Variants in UVRAG observed in about 807,000 individuals in gnomAD.
UVRAG encodes UV radiation resistance associated.
UVRAG carries 19 observed loss-of-function variants against 78.0 expected under a neutral mutation model. That is an observed-to-expected ratio of 0.24 (90% CI 0.17 to 0.36). UVRAG has a LOEUF of 0.36. UVRAG is among the 10% of genes least tolerant of loss of function. The pLI, the probability that UVRAG is intolerant of heterozygous loss-of-function variation, is 1.00. For synonymous variants in UVRAG, 323 were observed against 324.6 expected (o/e 1.00, Z 0.05); for missense variants, 740 against 853.8 (o/e 0.87, Z 1.66).
intron 5 of UVRAG, 37 bp downstream of exon 5, chr11:75,888,940 G>A: frequency 1.9e-6 from 3 of 1,562,140 alleles, no homozygotes; most frequent in Non-Finnish European, 2.6e-6. Context: ...ATTTTGTTTA[G>A]TGCAGGTGTG....
intron 4 of UVRAG, among the ~76,000 whole-genome samples, chr11:75,881,275 T>G (rs1946938499): frequency 6.6e-6 from 1 of 152,156 alleles, no homozygotes; most frequent in East Asian, 1.9e-4. Context: ...GGGGCACAGC[T>G]TGGTTTTATA....
chr11:75,855,190 C>T (rs1342852157), intron 2 of UVRAG, among the ~76,000 whole-genome samples: 1 of 152,184 alleles, frequency 6.6e-6, no homozygotes, highest in Non-Finnish European at 1.5e-5. Context: ...TCTTCCAGCT[C>T]AGATTATATC....
chr11:75,882,298 G>GA (rs1419315567), intron 4 of UVRAG, among the ~76,000 whole-genome samples: 1 of 152,074 alleles, frequency 6.6e-6, no homozygotes, highest in East Asian at 1.9e-4. Context: ...AGGATCACTT[G>GA]AAGCCAGGAG....
intron 13 of UVRAG, among the ~76,000 whole-genome samples, chr11:76,084,624 C>T (rs1200831450): frequency 6.6e-6 from 1 of 151,910 alleles, no homozygotes; most frequent in East Asian, 1.9e-4. Context: ...GTCTGAAACT[C>T]AGAATATATA....
chr11:76,125,119 C>T (rs562292155), intron 14 of UVRAG, among the ~76,000 whole-genome samples: 12 of 152,274 alleles, frequency 7.9e-5, no homozygotes, highest in African/African-American at 2.9e-4. Context: ...AAATGAAAAA[C>T]ATGTTGTCTA....
At chr11:75,999,250 A>AAGAT (rs1554975482) in intron 8 of UVRAG, among the ~76,000 whole-genome samples, 142,656 of 147,450 alleles carry the variant, frequency 0.97, 69,246 homozygotes, top group South Asian at 0.99. Context: ...AAAAAAAAAA[A>AAGAT]AGTCAACTTT....
intron 13 of UVRAG, among the ~76,000 whole-genome samples, chr11:76,092,553 C>G (rs1951719762): frequency 6.6e-6 from 1 of 152,208 alleles, no homozygotes; most frequent in African/African-American, 2.4e-5. Context: ...GATGGTATCT[C>G]ATTGTGGTTT....
chr11:75,903,103 C>T (rs1373257109), intron 5 of UVRAG, among the ~76,000 whole-genome samples: 1 of 151,906 alleles, frequency 6.6e-6, no homozygotes, highest in African/African-American at 2.4e-5. Flanking sequence ...CCTTCCTCCT[C>T]CTCCTCTCTC....
At chr11:75,831,367 A>C (rs923434253) in intron 1 of UVRAG, among the ~76,000 whole-genome samples, 20 of 152,178 alleles carry the variant, frequency 1.3e-4, no homozygotes, top group African/African-American at 4.8e-4. Flanking sequence ...AGGCGCCTGT[A>C]ATCCCAGCTA....
In UVRAG at chr11:76,120,125, G is replaced by A. The variant is rs571666977; in HGVS notation, c.1397+4110G>A. Among the ~76,000 whole-genome samples, 29 of 152,282 alleles carry A rather than the reference G, an allele frequency of 1.9e-4. 3 individuals carry two copies. Among genetic ancestry groups the A allele is most frequent in the South Asian group, 1.5e-3 (7 of 4,818 alleles). Reference sequence around the variant, plus strand: ...GAGAGGGAATAGTTTAAGAAAAGCCGCTTTATGAACACAGCAGCTTTATTG... The same window carrying A: ...GAGAGGGAATAGTTTAAGAAAAGCCACTTTATGAACACAGCAGCTTTATTG... On this transcript the variant is annotated intron_variant, in intron 14 of 14. Transcript: ENST00000356136.
At chr11:76,024,513 G>A (rs896736792) in intron 12 of UVRAG, among the ~76,000 whole-genome samples, 2 of 152,018 alleles carry the variant, frequency 1.3e-5, no homozygotes, top group Non-Finnish European at 2.9e-5. Flanking sequence ...TACATTTTGG[G>A]CATTTTAATA....
chr11:75,819,317 C>G (rs1945336123), intron 1 of UVRAG, among the ~76,000 whole-genome samples: 1 of 152,102 alleles, frequency 6.6e-6, no homozygotes, highest in African/African-American at 2.4e-5. Flanking sequence ...TGAGCAAGAA[C>G]TAGTGACACA....
At chr11:75,870,688 A>T (rs997868614) in intron 3 of UVRAG, among the ~76,000 whole-genome samples, 2 of 152,090 alleles carry the variant, frequency 1.3e-5, no homozygotes, top group African/African-American at 4.8e-5. Context: ...AGATGACTTC[A>T]TTTGATTTAT....
chr11:75,991,675 C>G (rs1949609114), intron 8 of UVRAG, among the ~76,000 whole-genome samples: 1 of 152,012 alleles, frequency 6.6e-6, no homozygotes, highest in Non-Finnish European at 1.5e-5. Flanking sequence ...ATTTTTATAA[C>G]TAGCATGATA....
chr11:76,101,623 C>A (rs1951881269), intron 13 of UVRAG, among the ~76,000 whole-genome samples: 1 of 152,070 alleles, frequency 6.6e-6, no homozygotes. Flanking sequence ...GTTGCAGTTG[C>A]CTTTGGTGTC....
At chr11:76,013,170 A>T (rs1161758577) in intron 11 of UVRAG, 1 of 152,186 alleles carries the variant, frequency 6.6e-6, no homozygotes, top group Non-Finnish European at 1.5e-5. Flanking sequence ...CCAACATATA[A>T]ATCAAAGGAA....
chr11:75,864,055 A>G (rs1328992308), intron 3 of UVRAG, among the ~76,000 whole-genome samples: 2 of 147,832 alleles, frequency 1.4e-5, no homozygotes, highest in Non-Finnish European at 1.5e-5. Flanking sequence ...TAAAGGTTCT[A>G]TTAACTTTTT....
intron 5 of UVRAG, among the ~76,000 whole-genome samples, chr11:75,903,795 C>T (rs995117133): frequency 2.6e-5 from 4 of 152,168 alleles, no homozygotes; most frequent in Admixed American, 2.6e-4. Context: ...CATCTATGTA[C>T]TCGGTGTTCA....
intron 14 of UVRAG, among the ~76,000 whole-genome samples, chr11:76,129,655 T>C (rs750160793): frequency 6.6e-6 from 1 of 152,158 alleles, no homozygotes; most frequent in Non-Finnish European, 1.5e-5. Flanking sequence ...TGTTCCTCCT[T>C]TTCTTCCTCA....
Sources: gnomAD v4.1 joint callset for allele counts (sites outside exome capture counted in the v4.1 genomes callset) on GRCh38, gnomAD v4.1.1 for gene constraint, MANE v1.5 for transcripts, NCBI Gene and HGNC (gene_info 2026-07-23, HGNC 2026-07-21) for gene names.